C11orf65: variants seen among roughly 807,000 people sequenced by gnomAD.
The protein encoded by C11orf65 is chromosome 11 open reading frame 65.
A neutral mutation model predicts 35.3 loss-of-function variants in C11orf65; 38 were observed. That is an observed-to-expected ratio of 1.08 (90% CI 0.83 to 1.41). The LOEUF is 1.41. Ranked by LOEUF, C11orf65 falls within the 40% of genes most tolerant of loss-of-function variation. C11orf65 has a pLI of 0.00. For missense variants in C11orf65, 370 were observed against 367.1 expected (o/e 1.01, Z -0.06); for synonymous variants, 105 against 114.4 (o/e 0.92, Z 0.53).
At chr11:108,461,020 C>G (rs572902150) in intron 2 of C11orf65, among the ~76,000 whole-genome samples, 1 of 151,994 alleles carries the variant, frequency 6.6e-6, no homozygotes, top group Admixed American at 6.6e-5. Flanking sequence ...CCACCACGCC[C>G]GGCCAAAAAG....
At chr11:108,331,088 A>G (rs2086190371), downstream of C11orf65, 11 of 887,654 alleles carry the variant, frequency 1.2e-5, no homozygotes, top group Non-Finnish European at 1.5e-5. Context: ...TATGGGGAAA[A>G]GCAATTACTT....
intron 6 of C11orf65, chr11:108,317,650 T>TACACACACACACAC (rs1261995220): frequency 3.0e-4 from 39 of 130,238 alleles, no homozygotes; most frequent in African/African-American, 1.8e-3. Context: ...TATATATATA[T>TACACACACACACAC]ATACACACAC....
chr11:108,408,029 T>TA (rs200889926), intron 3 of C11orf65, among the ~76,000 whole-genome samples: 7 of 144,604 alleles, frequency 4.8e-5, no homozygotes, highest in South Asian at 4.3e-4. Context: ...TTATTATTAT[T>TA]TTATTATTAC....
chr11:108,445,040 A>T (rs1030185904), intron 2 of C11orf65, among the ~76,000 whole-genome samples: 3 of 152,228 alleles, frequency 2.0e-5, no homozygotes, highest in Non-Finnish European at 4.4e-5. Flanking sequence ...ACTGCAAGGC[A>T]GCAGCAAGGC....
chr11:108,402,605 T>C (rs2092458560), intron 6 of C11orf65, among the ~76,000 whole-genome samples: 1 of 152,052 alleles, frequency 6.6e-6, no homozygotes, highest in Admixed American at 6.6e-5. Context: ...TGATGTACAA[T>C]AAACTACACA....
At chr11:108,357,225 C>A (rs1034443871) in intron 2 of C11orf65, among the ~76,000 whole-genome samples, 1 of 152,200 alleles carries the variant, frequency 6.6e-6, no homozygotes, top group South Asian at 2.1e-4. Context: ...CCGAATATTG[C>A]GCTTTTTGGA....
In C11orf65 at chr11:108,318,030, G is replaced by T. The variant is rs185605042; in HGVS notation, c.641-8959C>A. Reference sequence around the variant, plus strand: ...TATATTGGCTGGAGGATCCACAAAGGACTGCTTATCTTTATTTATGAAATA... The same window carrying T: ...TATATTGGCTGGAGGATCCACAAAGTACTGCTTATCTTTATTTATGAAATA... On this transcript the variant is annotated intron_variant, in intron 6 of 6. Coordinates refer to the C11orf65 transcript ENST00000525729. Among the ~76,000 whole-genome samples the T allele has an allele frequency of 3.9e-5, 6 of 152,080 alleles. No homozygotes were observed. In the South Asian group the frequency reaches 1.2e-3, roughly 32 times the overall value.
chr11:108,453,873 T>A (rs985766031), intron 2 of C11orf65, among the ~76,000 whole-genome samples: 1 of 152,254 alleles, frequency 6.6e-6, no homozygotes, highest in African/African-American at 2.4e-5. Context: ...TATGATAGCA[T>A]CCTCATCTGG....
intron 6 of C11orf65, among the ~76,000 whole-genome samples, chr11:108,325,138 T>C (rs180998882): frequency 3.6e-4 from 55 of 152,226 alleles, no homozygotes; most frequent in African/African-American, 1.2e-3. Context: ...CATTTTGTAG[T>C]TTTCTAAATT....
At chr11:108,345,650 C>G in intron 2 of C11orf65, 1 of 1,042,324 alleles carries the variant, frequency 9.6e-7, no homozygotes. Flanking sequence ...TCTTTATTGC[C>G]CCTATATCTG....
rs78172743 is a variant in C11orf65, at chr11:108,382,918, G to T, written c.*103C>A. 7.8e-3 allele frequency: 12,177 copies of T among 1,563,276 alleles called. 69 individuals are homozygous for T. Among genetic ancestry groups the T allele is most frequent in the Middle Eastern group, 0.015 (85 of 5,756 alleles). ...TTAACTGAGCTAGATTCTGTGCCCA[G>T]AATATATACACAAGTTATTCCAGTC... On this transcript the variant is annotated 3_prime_UTR_variant, in exon 9 of 9. Coordinates refer to ENST00000393084, the MANE Select transcript of C11orf65 (RefSeq NM_152587.5).
intron 2 of C11orf65, chr11:108,336,139 G>C: frequency 2.5e-6 from 1 of 405,160 alleles, no homozygotes. Context: ...TTGACAAAAA[G>C]TTAAAAAAAA....
In C11orf65 at chr11:108,343,378, G is replaced by A. The variant is rs2136954579; in HGVS notation, c.227-8086C>T. ...GTGCCAAAAGAAAATGATGGTGAGTGACACCCAAAATTAAAGGTTATTGTA... is the reference window on the plus strand; with the variant it reads ...GTGCCAAAAGAAAATGATGGTGAGTAACACCCAAAATTAAAGGTTATTGTA... On this transcript the variant is annotated intron_variant, in intron 2 of 3. Coordinates refer to the C11orf65 transcript ENST00000524755. 2 of 1,613,682 alleles carry A rather than the reference G, an allele frequency of 1.2e-6. No homozygotes were observed. Among genetic ancestry groups the A allele is most frequent in the Non-Finnish European group, 1.7e-6 (2 of 1,179,776 alleles).
Position 108,406,787 on chromosome 11 carries a change from ATT to A in C11orf65, c.403_404del (p.Asn135TrpfsTer7). 1 of 1,606,350 alleles carries A rather than the reference ATT, an allele frequency of 6.2e-7. No individual in the cohort carries two copies. The highest frequency in any genetic ancestry group is 8.5e-7 in the Non-Finnish European group (1 of 1,175,474). On this transcript the variant is annotated frameshift_variant, in exon 5 of 9. Coordinates refer to ENST00000393084, the MANE Select transcript of C11orf65 (RefSeq NM_152587.5). LOFTEE classifies it high-confidence loss of function. ...HSGWYHRIEN[N>X]GWRPVSDTFW... ...CTGTATCAGAAACTGGCCTCCAGCC[ATT>A]GTTTTCTATACGATGATACCAGCCA...
chr11:108,453,903 T>C (rs1163730803), intron 2 of C11orf65, among the ~76,000 whole-genome samples: 1 of 152,236 alleles, frequency 6.6e-6, no homozygotes, highest in African/African-American at 2.4e-5. Context: ...CCAACTCATG[T>C]TGGCTTTGTA....
At chr11:108,330,542 A>G (rs1591162751), downstream of C11orf65, 1 of 967,436 alleles carries the variant, frequency 1.0e-6, no homozygotes, top group Non-Finnish European at 1.7e-6. Flanking sequence ...TGCTCTACAC[A>G]TAAGTAGCAT....
At chr11:108,342,753 T>C (rs573625661) in intron 2 of C11orf65, among the ~76,000 whole-genome samples, 1 of 152,196 alleles carries the variant, frequency 6.6e-6, no homozygotes, top group South Asian at 2.1e-4. Flanking sequence ...ATTTTCTCTC[T>C]GTGAAGATAA....
chr11:108,312,342 A>T, intron 6 of C11orf65: 1 of 1,166,570 alleles, frequency 8.6e-7, no homozygotes, highest in Non-Finnish European at 1.3e-6. Flanking sequence ...GTCAAAGTCT[A>T]TAGTATATGT....
chr11:108,428,968 G>C (rs1366353938), intron 3 of C11orf65, among the ~76,000 whole-genome samples: 1 of 152,032 alleles, frequency 6.6e-6, no homozygotes, highest in African/African-American at 2.4e-5. Context: ...GTAACCTAGG[G>C]AGATCCCATC....
Sources: allele counts gnomAD v4.1 joint callset (sites outside exome capture counted in the v4.1 genomes callset), GRCh38; gene constraint gnomAD v4.1.1; transcripts MANE v1.5; gene names NCBI Gene and HGNC (gene_info 2026-07-23, HGNC 2026-07-21).